Variants in RPS6KC1 observed in about 807,000 individuals in gnomAD.
The protein encoded by RPS6KC1 is inactive ribosomal protein S6 kinase delta-1.
A neutral mutation model predicts 103.8 loss-of-function variants in RPS6KC1; 54 were observed. The observed-to-expected ratio is 0.52, with a 90% confidence interval of 0.42 to 0.65. The LOEUF (loss-of-function observed/expected upper bound fraction) is 0.65. Ranked by LOEUF, RPS6KC1 falls within the 30% of genes least tolerant of loss-of-function variation. The probability of loss-of-function intolerance (pLI) is 0.00; values close to 1 mark genes in which losing one functional copy is unlikely to be tolerated. For missense variants in RPS6KC1, 1,151 were observed against 1,253.8 expected (o/e 0.92, Z 1.24); for synonymous variants, 439 against 438.7 (o/e 1.00, Z -0.01).
chr1:213,192,922 T>G (rs188424663), intron 8 of RPS6KC1, among the ~76,000 whole-genome samples: 26 of 152,288 alleles, frequency 1.7e-4, no homozygotes, highest in African/African-American at 6.0e-4. Context: ...ATTTTTCAGT[T>G]TTTTTCCTCA....
At chr1:213,201,073 A>G (rs763447879) in intron 8 of RPS6KC1, among the ~76,000 whole-genome samples, 1 of 152,216 alleles carries the variant, frequency 6.6e-6, no homozygotes, top group Non-Finnish European at 1.5e-5. Context: ...CCCCCTTGAC[A>G]CAAGTTTGCC....
At chr1:213,231,760 G>T (rs1483116773) in intron 9 of RPS6KC1, among the ~76,000 whole-genome samples, 1 of 152,140 alleles carries the variant, frequency 6.6e-6, no homozygotes. Context: ...GTTTGCATTG[G>T]TCTTACAATG....
At chr1:213,232,837 T>C (rs1239434650) in intron 10 of RPS6KC1, among the ~76,000 whole-genome samples, 6 of 152,136 alleles carry the variant, frequency 3.9e-5, no homozygotes, top group East Asian at 1.9e-4. Context: ...GCAAAAAATA[T>C]AATGTTTTGA....
At chr1:213,254,274 G>A (rs1003319717) in intron 12 of RPS6KC1, among the ~76,000 whole-genome samples, 4 of 152,158 alleles carry the variant, frequency 2.6e-5, no homozygotes, top group Non-Finnish European at 4.4e-5. Flanking sequence ...CATGTTTGAT[G>A]TCCTTTAAAA....
At chr1:213,120,126 A>C (rs960481730) in intron 5 of RPS6KC1, among the ~76,000 whole-genome samples, 6 of 152,212 alleles carry the variant, frequency 3.9e-5, no homozygotes, top group African/African-American at 7.2e-5. Context: ...TTCTGTCAAA[A>C]ACACGGAAAA....
chr1:213,469,272 A>G, the RPS6KC1 span, among the ~76,000 whole-genome samples: 1 of 152,258 alleles, frequency 6.6e-6, no homozygotes, highest in African/African-American at 2.4e-5. Flanking sequence ...GGTAAACCTG[A>G]AAACAGTAAT....
chr1:213,848,111 G>A, the RPS6KC1 span, among the ~76,000 whole-genome samples: 1 of 152,002 alleles, frequency 6.6e-6, no homozygotes, highest in Non-Finnish European at 1.5e-5. Context: ...ATTAAGGAGG[G>A]AATACAGAAA....
the RPS6KC1 span, among the ~76,000 whole-genome samples, chr1:213,726,490 T>C: frequency 5.3e-3 from 804 of 152,378 alleles, 7 homozygotes; most frequent in African/African-American, 0.018. Context: ...TCTTTCCTGA[T>C]GGTGTTGTTG....
the RPS6KC1 span, among the ~76,000 whole-genome samples, chr1:213,542,363 G>T: frequency 1.1e-4 from 16 of 152,178 alleles, no homozygotes; most frequent in Non-Finnish European, 1.9e-4. Context: ...AGGGAGCAGA[G>T]TCCCCCTCCC....
chr1:213,538,389 C>A, the RPS6KC1 span, among the ~76,000 whole-genome samples: 3 of 152,142 alleles, frequency 2.0e-5, no homozygotes, highest in African/African-American at 4.8e-5. Context: ...CCTAGCTGAG[C>A]CTTACATTGG....
the RPS6KC1 span, among the ~76,000 whole-genome samples, chr1:213,778,810 C>A: frequency 6.6e-6 from 1 of 152,048 alleles, no homozygotes; most frequent in Admixed American, 6.5e-5. Context: ...GGATCCTAAA[C>A]CCCCATGCTC....
chr1:213,463,612 T>C, the RPS6KC1 span, among the ~76,000 whole-genome samples: 1 of 152,152 alleles, frequency 6.6e-6, no homozygotes. Context: ...TCCTCTGAGC[T>C]CTCTGCTCAG....
At chr1:213,728,406 C>T in the RPS6KC1 span, among the ~76,000 whole-genome samples, 1 of 152,142 alleles carries the variant, frequency 6.6e-6, no homozygotes, top group East Asian at 1.9e-4. Context: ...CATTAAATAT[C>T]CCTTCTCGTG....
chr1:213,385,539 T>C, the RPS6KC1 span, among the ~76,000 whole-genome samples: 1 of 152,120 alleles, frequency 6.6e-6, no homozygotes, highest in South Asian at 2.1e-4. Flanking sequence ...ATAAAGAAGA[T>C]GGTATTGCAT....
chr1:213,528,075 T>A, the RPS6KC1 span, among the ~76,000 whole-genome samples: 38 of 151,904 alleles, frequency 2.5e-4, no homozygotes, highest in African/African-American at 8.9e-4. Context: ...CAAAAGAAAA[T>A]CCATGTATAA....
At chr1:213,099,163 T>G (rs2081775179) in intron 3 of RPS6KC1, among the ~76,000 whole-genome samples, 2 of 152,214 alleles carry the variant, frequency 1.3e-5, no homozygotes, top group South Asian at 4.1e-4. Flanking sequence ...CTGTTGAATC[T>G]TGCTGCTACT....
chr1:213,853,355 G>T, the RPS6KC1 span, among the ~76,000 whole-genome samples: 1 of 152,184 alleles, frequency 6.6e-6, no homozygotes. Context: ...AGCGCCTGAG[G>T]AATCTATAAA....
the RPS6KC1 span, among the ~76,000 whole-genome samples, chr1:213,365,922 G>A: frequency 1.3e-5 from 2 of 152,226 alleles, no homozygotes; most frequent in Admixed American, 6.5e-5. Context: ...AAAACTTTAT[G>A]TAAACAGGTG....
At chr1:213,132,161 C>T (rs555682893) in intron 6 of RPS6KC1, among the ~76,000 whole-genome samples, 3 of 152,292 alleles carry the variant, frequency 2.0e-5, no homozygotes, top group African/African-American at 7.2e-5. Flanking sequence ...AACTTGATAC[C>T]AAACCTACTA....
Sources: gnomAD v4.1 joint callset for allele counts (sites outside exome capture counted in the v4.1 genomes callset) on GRCh38, gnomAD v4.1.1 for gene constraint, MANE v1.5 for transcripts, NCBI Gene and HGNC (gene_info 2026-07-23, HGNC 2026-07-21) for gene names.